Variants in MAP3K6 observed in about 807,000 individuals in gnomAD.
MAP3K6 encodes the protein mitogen-activated protein kinase kinase kinase 6, also known as apoptosis signal-regulating kinase 2.
A neutral mutation model predicts 147.1 loss-of-function variants in MAP3K6; 105 were observed. The ratio of observed to expected loss-of-function variants is 0.71; its 90% CI spans 0.61 to 0.84. The LOEUF (loss-of-function observed/expected upper bound fraction) is 0.84. Ranked by LOEUF, MAP3K6 falls within the 40% of genes least tolerant of loss-of-function variation. The probability of loss-of-function intolerance (pLI) is 0.00; values close to 1 mark genes in which losing one functional copy is unlikely to be tolerated. For synonymous variants in MAP3K6, 695 were observed against 732.4 expected (o/e 0.95, Z 0.82); for missense variants, 1,569 against 1,715.0 (o/e 0.91, Z 1.50).
Position 27,358,633 on chromosome 1 carries a change from G to A in MAP3K6, c.2584-22C>T. 2 of 1,613,572 alleles carry A rather than the reference G, an allele frequency of 1.2e-6. No homozygotes were observed. Among genetic ancestry groups the A allele is most frequent in the Non-Finnish European group, 1.7e-6 (2 of 1,179,850 alleles). On this transcript the variant is annotated intron_variant, in intron 19 of 28. Transcript: ENST00000357582. The surrounding 1 kb of genome is among the most constrained non-coding windows in gnomAD (Gnocchi z 6.2). ...CCACCTGTGGGGGGAGGGTGAACAA[G>A]GGTGACATTCAGAGGTGTCCAAGGC...
Position 27,356,118 on chromosome 1 carries a change from G to C in MAP3K6, c.3638-19C>G, listed in dbSNP as rs184469734. 1.9e-5 allele frequency: 31 copies of C among 1,611,032 alleles called. No individual in the cohort carries two copies. The African/African-American group carries it at 3.6e-4, about 19-fold the overall frequency. ...AGAGCAGCTGTCAAGAAGCAGTCAG[G>C]TGATGAGCCCAAGAGTGCCTCCTGC... On this transcript the variant is annotated intron_variant, in intron 26 of 28. Transcript: ENST00000357582.
rs2015723822 is a variant in MAP3K6, at chr1:27,360,783, T to C, written c.1976A>G (p.Tyr659Cys). 6.2e-7 allele frequency: 1 copy of C among 1,612,486 alleles called. No homozygotes were observed. The highest frequency in any genetic ancestry group is 1.3e-5 in the African/African-American group (1 of 74,904). Residue 659 changes from tyrosine to cysteine, a missense_variant, in exon 15 of 29, where the codon TAT becomes TGT. Tyr to Cys is a radical substitution (Grantham distance 194, BLOSUM62 -2). Transcript: ENST00000357582. The surrounding 1 kb of genome is among the most constrained non-coding windows in gnomAD (Gnocchi z 4.5). ...GERLVLGKGT[Y>C]GVVYAGRDRH... is the part of the protein sequence containing the mutation. ...ATCGCGGCCCGCGTACACCACCCCA[T>C]ACGTGCCCTTGCCCAGCACCAGCCG...
Position 27,360,891 on chromosome 1 carries a change from C to T in MAP3K6, c.1920+30G>A. 1 of 1,608,142 alleles carries T rather than the reference C, an allele frequency of 6.2e-7. No homozygotes were observed. The highest frequency in any genetic ancestry group is 8.5e-7 in the Non-Finnish European group (1 of 1,176,838). ...TCAGCAGGGCCCGCGGCCCCTCGCC[C>T]TCCGCGAGCTCCCAGTCCCGCGTCC... is the stretch of plus-strand genomic sequence containing the variant. On this transcript the variant is annotated intron_variant, in intron 14 of 28. Transcript: ENST00000357582. This position sits in a 1 kb window ranked among gnomAD's most constrained non-coding sequence, Gnocchi z 4.5.
In MAP3K6 at chr1:27,362,308, C is replaced by T. The variant is rs113036458; in HGVS notation, c.1256-58G>A. The stretch of plus-strand genomic sequence containing the variant: ...TGGGTGCAGGGGTGAGTGAGGCCCA[C>T]CATTTCTGTGGGCCCGAGTGTGGAC... On this transcript the variant is annotated intron_variant, in intron 8 of 28. Transcript: ENST00000357582. 11,760 of 1,528,250 alleles carry T rather than the reference C, an allele frequency of 7.7e-3. 74 individuals carry two copies. Among genetic ancestry groups the T allele is most frequent in the Non-Finnish European group, 7.8e-3 (8,764 of 1,128,820 alleles). The allele number at this position is 1,528,250 out of a possible 1,614,324, so 94.7% of individuals were successfully genotyped here.
In MAP3K6 at chr1:27,357,691, C is replaced by A. The variant is rs1401649114; in HGVS notation, c.3081+20G>T. 1 of 1,607,656 alleles carries A rather than the reference C, an allele frequency of 6.2e-7. No individual in the cohort carries two copies. Among genetic ancestry groups the A allele is most frequent in the Non-Finnish European group, 8.5e-7 (1 of 1,178,942 alleles). On this transcript the variant is annotated intron_variant, in intron 22 of 28. Coordinates refer to ENST00000357582, the MANE Select transcript of MAP3K6 (RefSeq NM_004672.5). ...CTGACCCTTTGCGACCACCAGGGGGCGCTAGAGTGGGCCGCCCACCTGCTC... is the reference window on the plus strand; with the variant it reads ...CTGACCCTTTGCGACCACCAGGGGGAGCTAGAGTGGGCCGCCCACCTGCTC...
At position 27,362,627 on chromosome 1, in the gene MAP3K6, G is replaced by C; in HGVS notation, c.1255+14C>G. On this transcript the variant is annotated intron_variant, in intron 8 of 28. Transcript: ENST00000357582. ...CCTGTGGGTGACGAGACAAGAGCCA[G>C]GATCTGTGCTCACCTATTAGCCGGA... is the stretch of plus-strand genomic sequence containing the variant. 6.5e-7 allele frequency: 1 copy of C among 1,547,974 alleles called. No individual in the cohort carries two copies. Among genetic ancestry groups the C allele is most frequent in the Non-Finnish European group, 8.8e-7 (1 of 1,139,362 alleles).
At chr1:27,362,599 A>G in intron 8 of MAP3K6, 42 bp downstream of exon 8, 1 of 1,456,304 alleles carries the variant, frequency 6.9e-7, no homozygotes, top group Non-Finnish European at 9.3e-7. Context: ...GCCCCTCGGA[A>G]CCCCTGTGGG....
Position 27,355,478 on chromosome 1 carries a change from A to C in MAP3K6, c.3789-9T>G, listed in dbSNP as rs776448014. On this transcript the variant is annotated splice_polypyrimidine_tract_variant and intron_variant, in intron 28 of 28. Coordinates refer to ENST00000357582, the MANE Select transcript of MAP3K6 (RefSeq NM_004672.5). ...GGCATACCATCCCTCCCCTGGGGGT[A>C]ATGGACTCAGTGTGGCTCAGCCAGA... 1.1e-5 allele frequency: 17 copies of C among 1,613,908 alleles called. No individual in the cohort carries two copies. In the East Asian group the frequency reaches 3.8e-4, roughly 36 times the overall value.
chr1:27,364,636 T>G lies in MAP3K6; in HGVS notation c.504+25A>C. On this transcript the variant is annotated intron_variant, in intron 3 of 28. Transcript: ENST00000357582. The surrounding 1 kb of genome is among the most constrained non-coding windows in gnomAD (Gnocchi z 4.4). ...CATAGCGGAAGTCAAAGGGCACTTT[T>G]GAGTGAGAGGTGGATTCTGCTCACC... 1.9e-6 allele frequency: 3 copies of G among 1,614,070 alleles called. No individual in the cohort carries two copies. The highest frequency in any genetic ancestry group is 2.5e-6 in the Non-Finnish European group (3 of 1,179,996).
rs1293010364 is a variant in MAP3K6 at position 27,358,479 on chromosome 1, G to A, written c.2716C>T (p.Leu906=). Residue 906 remains leucine, a synonymous_variant, in exon 20 of 29, where the codon CTG becomes TTG. Coordinates refer to ENST00000357582, the MANE Select transcript of MAP3K6 (RefSeq NM_004672.5). This position sits in a 1 kb window ranked among gnomAD's most constrained non-coding sequence, Gnocchi z 6.2. ...SAQTLLGDPF[L]QPGKRSRSPS... ...CTGCGGCTCCTTTTCCCAGGCTGCA[G>A]GAAGGGGTCCCCCAGCAGTGTCTGG... 1.9e-6 allele frequency: 3 copies of A among 1,596,548 alleles called. No individual in the cohort carries two copies. The highest frequency in any genetic ancestry group is 2.6e-6 in the Non-Finnish European group (3 of 1,175,116).
chr1:27,366,550 G>A lies in MAP3K6; in HGVS notation c.48C>T (p.Cys16=). The part of the protein sequence containing the change: ...PRSGAERAGS[C]WQDPLAVALS... The stretch of plus-strand genomic sequence containing the variant: ...GCGCCACGGCCAGCGGGTCCTGCCA[G>A]CAGCTGCCGGCGCGCTCCGCCCCGG... The change falls in exon 1 of 29, where the codon TGC becomes TGT. Residue 16 remains cysteine, a synonymous_variant. Transcript: ENST00000357582. This position sits in a 1 kb window ranked among gnomAD's most constrained non-coding sequence, Gnocchi z 5.5. The A allele has an allele frequency of 9.1e-7, 1 of 1,096,340 alleles. No homozygotes were observed. Among genetic ancestry groups the A allele is most frequent in the Non-Finnish European group, 1.1e-6 (1 of 902,648 alleles). The allele number at this position is 1,096,340 out of a possible 1,614,324, so 67.9% of individuals were successfully genotyped here.
Position 27,356,111 on chromosome 1 carries a change from C to T in MAP3K6, c.3638-12G>A. 1 of 1,613,214 alleles carries T rather than the reference C, an allele frequency of 6.2e-7. No individual in the cohort carries two copies. Among genetic ancestry groups the T allele is most frequent in the Non-Finnish European group, 8.5e-7 (1 of 1,179,214 alleles). On this transcript the variant is annotated splice_polypyrimidine_tract_variant and intron_variant, in intron 26 of 28. Transcript: ENST00000357582. The stretch of plus-strand genomic sequence containing the variant: ...CGTTGAAAGAGCAGCTGTCAAGAAG[C>T]AGTCAGGTGATGAGCCCAAGAGTGC...
Position 27,364,742 on chromosome 1 carries a change from T to C in MAP3K6, c.480+31A>G, listed in dbSNP as rs774550850. ...CTGTGTAGGCCTTACCCCAGCCCTG[T>C]GCCTGCCTCCACCAGCCCCAGGCCA... On this transcript the variant is annotated intron_variant, in intron 2 of 28. Transcript: ENST00000357582. The surrounding 1 kb of genome is among the most constrained non-coding windows in gnomAD (Gnocchi z 4.4). 1.3e-5 allele frequency: 21 copies of C among 1,613,826 alleles called. No homozygotes were observed. The highest frequency in any genetic ancestry group is 1.8e-5 in the Non-Finnish European group (21 of 1,179,890).
rs764168908 is a variant in MAP3K6 at position 27,356,635 on chromosome 1, G to C, written c.3479C>G (p.Ala1160Gly). 6.8e-6 allele frequency: 11 copies of C among 1,612,478 alleles called. No homozygotes were observed. In the South Asian group the frequency reaches 1.2e-4, roughly 18 times the overall value. ...PLPVEPEQGP[A>G]PLMVQLSLLR... ...GAGGCTCAGCTGCACCATCAGAGGA[G>C]CGGGGCCCTGCTCGGGCTCCACCGG... The change falls in exon 25 of 29, where the codon GCT becomes GGT. Residue 1160 changes from alanine to glycine, a missense_variant. Ala to Gly is a moderately conservative substitution (Grantham distance 60). Coordinates refer to ENST00000357582, the MANE Select transcript of MAP3K6 (RefSeq NM_004672.5).
At position 27,357,715 on chromosome 1, in the gene MAP3K6, TCTTG is replaced by T; in HGVS notation, c.3073_3076del (p.Gln1025SerfsTer41). ...GCGCTAGAGTGGGCCGCCCACCTGC[TCTTG>T]CTTCTGCTCCTGGTGCAGATTCTCC... On this transcript the variant is annotated frameshift_variant, in exon 22 of 29. Transcript: ENST00000357582. LOFTEE classifies it high-confidence loss of function. 1.9e-6 allele frequency: 3 copies of T among 1,610,920 alleles called. No homozygotes were observed. The highest frequency in any genetic ancestry group is 2.5e-6 in the Non-Finnish European group (3 of 1,179,812).
At position 27,360,677 on chromosome 1, in the gene MAP3K6, G is replaced by A. The variant is rs2015715635; in HGVS notation, c.2054+28C>T. On this transcript the variant is annotated intron_variant, in intron 15 of 28. Transcript: ENST00000357582. The surrounding 1 kb of genome is among the most constrained non-coding windows in gnomAD (Gnocchi z 4.5). ...CTCACTCGGCCCTCGCGAGCCCTCA[G>A]CCCCACCCGCGCTGCCACGCACCGC... The A allele has an allele frequency of 6.2e-7, 1 of 1,600,338 alleles. No individual in the cohort carries two copies. The highest frequency in any genetic ancestry group is 8.5e-7 in the Non-Finnish European group (1 of 1,173,896).
Position 27,358,923 on chromosome 1 carries a change from AGGG to A in MAP3K6, c.2426-60_2426-58del. On this transcript the variant is annotated intron_variant, in intron 18 of 28. Coordinates refer to ENST00000357582, the MANE Select transcript of MAP3K6 (RefSeq NM_004672.5). The surrounding 1 kb of genome is among the most constrained non-coding windows in gnomAD (Gnocchi z 6.2). ...CTAGGCTTCATCATGGGGTTGGAGC[AGGG>A]AGGGGAATGCCGTCATCCTCAGGCC... is the stretch of plus-strand genomic sequence containing the variant. The A allele has an allele frequency of 6.6e-7, 1 of 1,509,494 alleles. No individual in the cohort carries two copies. 93.5% of individuals were successfully genotyped at this position (1,509,494 alleles called of 1,614,324 possible).
intron 28 of MAP3K6, 71 bp downstream of exon 28, chr1:27,355,598 C>A (rs2015490572): frequency 6.3e-7 from 1 of 1,594,734 alleles, no homozygotes; most frequent in Non-Finnish European, 8.6e-7. Context: ...CAGGAAGGAA[C>A]CTAGGCAGGC....
chr1:27,355,281 G>T lies in MAP3K6; in HGVS notation c.*110C>A. ...ACCAGTCCTGGGCCCCACTCGCCTG[G>T]CTTCCTCCAGTCGCCCCAGGTCCTG... On this transcript the variant is annotated 3_prime_UTR_variant, in exon 29 of 29. Coordinates refer to ENST00000357582, the MANE Select transcript of MAP3K6 (RefSeq NM_004672.5). 1.9e-6 allele frequency: 2 copies of T among 1,036,126 alleles called. No homozygotes were observed. Among genetic ancestry groups the T allele is most frequent in the East Asian group, 2.4e-5 (1 of 42,206 alleles). 64.2% of individuals were successfully genotyped at this position (1,036,126 alleles called of 1,614,324 possible).
Sources: gnomAD v4.1 joint callset for allele counts on GRCh38, gnomAD v4.1.1 for gene constraint, Gnocchi (gnomAD v3.1) non-coding constraint, MANE v1.5 for transcripts, NCBI Gene and HGNC (gene_info 2026-07-23, HGNC 2026-07-21) for gene names.